CACNA2D3: variants seen among roughly 807,000 people sequenced by gnomAD.
The protein encoded by CACNA2D3 is voltage-dependent calcium channel subunit alpha-2/delta-3.
A neutral mutation model predicts 160.6 loss-of-function variants in CACNA2D3; 60 were observed. The observed-to-expected ratio is 0.37, with a 90% CI of 0.30 to 0.46. CACNA2D3 has a LOEUF of 0.46. Ranked by LOEUF, CACNA2D3 falls within the 20% of genes least tolerant of loss-of-function variation. The pLI, the probability that CACNA2D3 is intolerant of heterozygous loss-of-function variation, is 1.00. For synonymous variants in CACNA2D3, 558 were observed against 492.9 expected, an observed-to-expected ratio of 1.13 and a Z score of -1.75; for missense variants, 1,205 against 1,365.0, an observed-to-expected ratio of 0.88 and a Z score of 1.85.
At chr3:54,767,387 G>T (rs1003242208) in intron 13 of CACNA2D3, among the ~76,000 whole-genome samples, 9 of 152,148 alleles carry the variant, frequency 5.9e-5, no homozygotes, top group Non-Finnish European at 1.3e-4. Flanking sequence ...ACTCCATTTG[G>T]TGTCATTTGT....
At chr3:54,285,662 T>C (rs926139284) in intron 2 of CACNA2D3, among the ~76,000 whole-genome samples, 3 of 152,168 alleles carry the variant, frequency 2.0e-5, no homozygotes, top group South Asian at 4.1e-4. Flanking sequence ...CCGAGCAGCC[T>C]AACTGGGAGG....
intron 2 of CACNA2D3, among the ~76,000 whole-genome samples, chr3:54,179,302 A>T (rs1244916451): frequency 6.6e-6 from 1 of 152,228 alleles, no homozygotes; most frequent in Non-Finnish European, 1.5e-5. Flanking sequence ...ACTGACATGC[A>T]GAAGGATCTG....
intron 11 of CACNA2D3, among the ~76,000 whole-genome samples, chr3:54,714,770 C>T (rs142194032): frequency 1.5e-3 from 231 of 152,324 alleles, no homozygotes; most frequent in African/African-American, 5.1e-3. Flanking sequence ...GAGATAACTG[C>T]ATTCCCATGC....
At chr3:54,516,037 C>T (rs1220816776) in intron 5 of CACNA2D3, among the ~76,000 whole-genome samples, 1 of 152,194 alleles carries the variant, frequency 6.6e-6, no homozygotes, top group Non-Finnish European at 1.5e-5. Flanking sequence ...AAGGCCACAT[C>T]CTGGAGCCTG....
intron 3 of CACNA2D3, among the ~76,000 whole-genome samples, chr3:54,330,746 G>T (rs1704230429): frequency 1.3e-5 from 2 of 152,166 alleles, no homozygotes; most frequent in Non-Finnish European, 2.9e-5. Flanking sequence ...CCAGTGGGTG[G>T]CCTCTGTTAG....
intron 11 of CACNA2D3, among the ~76,000 whole-genome samples, chr3:54,669,337 T>A (rs1700119702): frequency 6.6e-6 from 1 of 152,224 alleles, no homozygotes; most frequent in South Asian, 2.1e-4. Context: ...TGTAAAGGAA[T>A]GTTTCAGTGA....
intron 16 of CACNA2D3, among the ~76,000 whole-genome samples, chr3:54,839,140 C>G (rs533319032): frequency 3.9e-5 from 6 of 152,298 alleles, no homozygotes; most frequent in Admixed American, 6.5e-5. Context: ...CGCCTGTAGT[C>G]CCAGCTGCTC....
intron 15 of CACNA2D3, among the ~76,000 whole-genome samples, chr3:54,837,813 G>T (rs1698728580): frequency 6.6e-6 from 1 of 152,042 alleles, no homozygotes; most frequent in Non-Finnish European, 1.5e-5. Flanking sequence ...GTCCTTCCCT[G>T]TTGTAAGGAA....
chr3:54,439,644 T>C (rs1335255535), intron 4 of CACNA2D3, among the ~76,000 whole-genome samples: 1 of 152,152 alleles, frequency 6.6e-6, no homozygotes, highest in Non-Finnish European at 1.5e-5. Context: ...GTTTTCGTGG[T>C]GCTACCACGC....
rs139670894 is a variant in CACNA2D3, at chr3:54,136,628, C to T, written c.204+13034C>T. 6.0e-3 allele frequency among the ~76,000 whole-genome samples: 918 copies of T among 152,362 alleles called. 3 individuals carry two copies. The highest frequency in any genetic ancestry group is 0.041 in the Middle Eastern group (12 of 294). ...GACAGCACACTGCTTGAGTTCCCTG[C>T]ACACATCCGGCTGTGTCACGCCTCT... is the stretch of plus-strand genomic sequence containing the variant. On this transcript the variant is annotated intron_variant, in intron 2 of 37. Coordinates refer to ENST00000474759, the MANE Select transcript of CACNA2D3 (RefSeq NM_018398.3).
At chr3:54,449,993 A>C (rs1164160419) in intron 4 of CACNA2D3, among the ~76,000 whole-genome samples, 1 of 152,190 alleles carries the variant, frequency 6.6e-6, no homozygotes, top group Non-Finnish European at 1.5e-5. Flanking sequence ...TGGAAACACC[A>C]GTTGTTTTTG....
intron 11 of CACNA2D3, among the ~76,000 whole-genome samples, chr3:54,707,372 T>G (rs1265405244): frequency 6.6e-6 from 1 of 152,242 alleles, no homozygotes; most frequent in African/African-American, 2.4e-5. Flanking sequence ...CATTGGCTTT[T>G]AGTTCTGGAC....
chr3:54,140,751 C>T (rs904015611), intron 2 of CACNA2D3, among the ~76,000 whole-genome samples: 5 of 152,206 alleles, frequency 3.3e-5, no homozygotes, highest in Non-Finnish European at 7.3e-5. Context: ...AATGTTGGTT[C>T]CCTAGAGCAA....
Position 54,958,036 on chromosome 3 carries a change from C to T in CACNA2D3, c.2450-10414C>T, listed in dbSNP as rs542088395. On this transcript the variant is annotated intron_variant, in intron 27 of 37. Transcript: ENST00000474759. The stretch of plus-strand genomic sequence containing the variant: ...TCTCCATCCACATTGCATTCAACCA[C>T]CCCGTGTGTGTTCACAAGTGCCTGC... Among the ~76,000 whole-genome samples, 3 of 152,374 alleles carry T rather than the reference C, an allele frequency of 2.0e-5. No individual in the cohort carries two copies. In the East Asian group the frequency reaches 5.8e-4, roughly 29 times the overall value.
chr3:54,905,612 A>G (rs1372047597), intron 27 of CACNA2D3, among the ~76,000 whole-genome samples: 1 of 152,194 alleles, frequency 6.6e-6, no homozygotes, highest in African/African-American at 2.4e-5. Flanking sequence ...GTAGTTTCCA[A>G]CCGGGGGTGA....
At chr3:55,055,890 A>G (rs143524201) in intron 35 of CACNA2D3, among the ~76,000 whole-genome samples, 30 of 152,230 alleles carry the variant, frequency 2.0e-4, no homozygotes, top group East Asian at 1.4e-3. Context: ...GGTCTGGGCA[A>G]TGTTTTTTTA....
chr3:54,252,129 G>A (rs1336910139), intron 2 of CACNA2D3, among the ~76,000 whole-genome samples: 19 of 95,762 alleles, frequency 2.0e-4, no homozygotes, highest in African/African-American at 1.0e-3. Context: ...GATACTCTCC[G>A]TCTCTCCCAT....
Position 54,919,335 on chromosome 3 carries a change from G to A in CACNA2D3, c.2449+19467G>A, listed in dbSNP as rs114312640. ...AAAAATAAAATAAATGTGCATTGTT[G>A]TGATGTTATGTGTTTATTACAAAGA... On this transcript the variant is annotated intron_variant, in intron 27 of 37. Transcript: ENST00000474759. 2.8e-3 allele frequency among the ~76,000 whole-genome samples: 425 copies of A among 152,316 alleles called. 2 individuals carry two copies. Among genetic ancestry groups the A allele is most frequent in the African/African-American group, 9.8e-3 (408 of 41,562 alleles).
At chr3:54,567,277 G>C (rs912076821) in intron 6 of CACNA2D3, among the ~76,000 whole-genome samples, 1 of 152,152 alleles carries the variant, frequency 6.6e-6, no homozygotes, top group East Asian at 1.9e-4. Flanking sequence ...TTTTTGATCA[G>C]ATATTTTAGA....
Sources: gnomAD v4.1 joint callset for allele counts (sites outside exome capture counted in the v4.1 genomes callset) on GRCh38, gnomAD v4.1.1 for gene constraint, MANE v1.5 for transcripts, NCBI Gene and HGNC (gene_info 2026-07-23, HGNC 2026-07-21) for gene names.